The following TIAM1 variants were observed in gnomAD, a reference collection of about 807,000 sequenced individuals.
TIAM1 encodes the protein rho guanine nucleotide exchange factor TIAM1.
In TIAM1, 65 loss-of-function variants were observed where a neutral mutation model predicts 163.5. The ratio of observed to expected loss-of-function variants is 0.40; its 90% CI spans 0.33 to 0.49. The LOEUF (loss-of-function observed/expected upper bound fraction) is 0.49, where lower values mean the gene tolerates loss of function less well. Ranked by LOEUF, TIAM1 falls within the 20% of genes least tolerant of loss-of-function variation. The probability of loss-of-function intolerance (pLI) is 0.77; values close to 1 mark genes in which losing one functional copy is unlikely to be tolerated. For missense variants in TIAM1, 1,789 were observed against 2,044.7 expected (o/e 0.87, Z 2.41); for synonymous variants, 833 against 810.1 (o/e 1.03, Z -0.48).
In TIAM1 at chr21:31,120,250, CA is replaced by C; in HGVS notation, c.*117del. ...ATGGCTTCAGAACCAAGTCAGCTGC[CA>C]AAACCGTGTGTGCAAGAGCGCGACC... On this transcript the variant is annotated 3_prime_UTR_variant, in exon 28 of 28. Coordinates refer to ENST00000541036, the MANE Select transcript of TIAM1 (RefSeq NM_001353694.2). This position sits in a 1 kb window ranked among gnomAD's most constrained non-coding sequence, Gnocchi z 4.2. 1 of 1,077,030 alleles carries C rather than the reference CA, an allele frequency of 9.3e-7. No individual in the cohort carries two copies. The highest frequency in any genetic ancestry group is 1.3e-6 in the Non-Finnish European group (1 of 766,766). 66.7% of individuals were successfully genotyped at this position (1,077,030 alleles called of 1,614,324 possible).
intron 3 of TIAM1, among the ~76,000 whole-genome samples, chr21:31,276,323 G>A (rs1015968009): frequency 6.6e-6 from 1 of 152,200 alleles, no homozygotes; most frequent in African/African-American, 2.4e-5. Flanking sequence ...ATTTTGAAAA[G>A]ATTATTATTT....
chr21:31,120,033 T>A lies in TIAM1; in HGVS notation c.*335A>T, dbSNP rs2081942128. ...TACTATCCCTTAAATTAATCTGTTGTACATCCGTTAACTCCTGGGGTGATT... is the reference window on the plus strand; with the variant it reads ...TACTATCCCTTAAATTAATCTGTTGAACATCCGTTAACTCCTGGGGTGATT... On this transcript the variant is annotated 3_prime_UTR_variant, in exon 28 of 28. Coordinates refer to ENST00000541036, the MANE Select transcript of TIAM1 (RefSeq NM_001353694.2). The surrounding 1 kb of genome is among the most constrained non-coding windows in gnomAD (Gnocchi z 4.2). 4.7e-6 allele frequency: 1 copy of A among 214,498 alleles called. No individual in the cohort carries two copies. The highest frequency in any genetic ancestry group is 5.3e-5 in the Admixed American group (1 of 18,796). 13.3% of individuals were successfully genotyped at this position (214,498 alleles called of 1,614,324 possible).
At chr21:31,310,619 C>A (rs912519807) in intron 2 of TIAM1, among the ~76,000 whole-genome samples, 1 of 152,182 alleles carries the variant, frequency 6.6e-6, no homozygotes, top group African/African-American at 2.4e-5. Flanking sequence ...CGGGACACAC[C>A]TGATTCCTAA....
At chr21:31,519,222 T>C (rs1358653807) in intron 1 of TIAM1, among the ~76,000 whole-genome samples, 3 of 151,092 alleles carry the variant, frequency 2.0e-5, no homozygotes, top group African/African-American at 7.3e-5. Flanking sequence ...GGAGAATTGC[T>C]TGAACCTGGG....
Position 31,245,745 on chromosome 21 carries a change from T to A in TIAM1, c.1412-85A>T, listed in dbSNP as rs115465215. The A allele has an allele frequency of 1.4e-3, 1,705 of 1,218,046 alleles. 14 individuals carry two copies. In the African/African-American group the frequency reaches 0.02, roughly 14 times the overall value. The allele number at this position is 1,218,046 out of a possible 1,614,324, so 75.5% of individuals were successfully genotyped here. A position where few individuals can be genotyped will look rare whatever the true frequency, so the allele number is the denominator to read the frequency against. On this transcript the variant is annotated intron_variant, in intron 5 of 27. Transcript: ENST00000541036. The stretch of plus-strand genomic sequence containing the variant: ...ACAGTTGAACCTAACATGTGCACCC[T>A]GTCAGAGGCTGAAAATTAAAGCACG...
chr21:31,134,050 C>T, intron 23 of TIAM1, among the ~76,000 whole-genome samples: 1 of 152,192 alleles, frequency 6.6e-6, no homozygotes, highest in South Asian at 2.1e-4. Context: ...CCTGGCAACA[C>T]AGCGAGACTC....
At chr21:31,283,419 G>C (rs60047192) in intron 2 of TIAM1, among the ~76,000 whole-genome samples, 49 of 152,300 alleles carry the variant, frequency 3.2e-4, no homozygotes, top group African/African-American at 1.1e-3. Flanking sequence ...TGAGGCCCCA[G>C]CTCGCTGAAA....
intron 12 of TIAM1, among the ~76,000 whole-genome samples, chr21:31,199,071 A>G (rs2146510607): frequency 6.6e-6 from 1 of 152,340 alleles, no homozygotes; most frequent in East Asian, 1.9e-4. Context: ...TTAAATCAAT[A>G]ATGTTGCAAC....
intron 1 of TIAM1, among the ~76,000 whole-genome samples, chr21:31,490,149 T>C (rs2046417730): frequency 2.0e-5 from 3 of 152,024 alleles, no homozygotes; most frequent in African/African-American, 7.3e-5. Flanking sequence ...TAATAAATCT[T>C]TTTTGTTATT....
intron 2 of TIAM1, among the ~76,000 whole-genome samples, chr21:31,325,417 C>T (rs1438024139): frequency 6.6e-6 from 1 of 151,908 alleles, no homozygotes; most frequent in Non-Finnish European, 1.5e-5. Context: ...CCTATAATCC[C>T]AGCACTTTGG....
At chr21:31,230,990 G>T (rs1339329214) in intron 6 of TIAM1, among the ~76,000 whole-genome samples, 1 of 152,150 alleles carries the variant, frequency 6.6e-6, no homozygotes, top group African/African-American at 2.4e-5. Context: ...CTAGGAATAT[G>T]GGAGAATAGA....
At chr21:31,514,150 T>C (rs545460498) in intron 1 of TIAM1, among the ~76,000 whole-genome samples, 1 of 152,264 alleles carries the variant, frequency 6.6e-6, no homozygotes, top group Non-Finnish European at 1.5e-5. Flanking sequence ...TTGTATTTCA[T>C]GATCTAAGAG....
intron 25 of TIAM1, 21 bp downstream of exon 25, chr21:31,130,192 C>G: frequency 6.2e-7 from 1 of 1,603,964 alleles, no homozygotes; most frequent in Non-Finnish European, 8.5e-7. Flanking sequence ...TGTGAAATAC[C>G]CAGCACAGGT....
chr21:31,425,311 T>C (rs1278020055), intron 2 of TIAM1, among the ~76,000 whole-genome samples: 2 of 152,002 alleles, frequency 1.3e-5, no homozygotes, highest in Non-Finnish European at 2.9e-5. Flanking sequence ...TTTCGAGAAT[T>C]TTAACAAATC....
In TIAM1 at chr21:31,119,269, G is replaced by A. The variant is rs994309320; in HGVS notation, c.*1099C>T. 6.6e-6 allele frequency: 1 copy of A among 152,602 alleles called. No individual in the cohort carries two copies. The highest frequency in any genetic ancestry group is 1.5e-5 in the Non-Finnish European group (1 of 68,054). 9.5% of individuals were successfully genotyped at this position (152,602 alleles called of 1,614,324 possible). Reference sequence around the variant, plus strand: ...TTTTAAAGAGGTTGTTCTGTTTAAAGGTTTGGTTATGGACTGTCAGGGAAG... The same window carrying A: ...TTTTAAAGAGGTTGTTCTGTTTAAAAGTTTGGTTATGGACTGTCAGGGAAG... On this transcript the variant is annotated 3_prime_UTR_variant, in exon 28 of 28. Transcript: ENST00000541036.
intron 2 of TIAM1, among the ~76,000 whole-genome samples, chr21:31,430,916 CAGA>C (rs1354239124): frequency 3.9e-5 from 6 of 152,054 alleles, no homozygotes. Flanking sequence ...GGTTGTTTTC[CAGA>C]AGAAAAGCCA....
At chr21:31,500,267 C>A (rs2046808089) in intron 1 of TIAM1, among the ~76,000 whole-genome samples, 1 of 152,158 alleles carries the variant, frequency 6.6e-6, no homozygotes, top group Non-Finnish European at 1.5e-5. Context: ...TGGATTCGGG[C>A]CCAGCTCTTC....
chr21:31,213,773 A>T (rs555072890), intron 9 of TIAM1, among the ~76,000 whole-genome samples: 1 of 151,396 alleles, frequency 6.6e-6, no homozygotes, highest in African/African-American at 2.4e-5. Context: ...TCATGCCTAT[A>T]ATCCCTAGCA....
intron 1 of TIAM1, among the ~76,000 whole-genome samples, chr21:31,480,662 G>C (rs958040725): frequency 6.6e-6 from 1 of 152,234 alleles, no homozygotes; most frequent in Non-Finnish European, 1.5e-5. Context: ...GAAGGAAGGA[G>C]GGAAAGTGTC....
Sources: gnomAD v4.1 joint callset for allele counts (sites outside exome capture counted in the v4.1 genomes callset) on GRCh38, gnomAD v4.1.1 for gene constraint, Gnocchi (gnomAD v3.1) non-coding constraint, MANE v1.5 for transcripts, NCBI Gene and HGNC (gene_info 2026-07-23, HGNC 2026-07-21) for gene names.